The following SMAP1 variants were observed in gnomAD, a reference collection of about 807,000 sequenced individuals.
SMAP1 encodes the protein stromal membrane-associated protein 1.
SMAP1 carries 24 observed loss-of-function variants against 58.5 expected under a neutral mutation model. That is an observed-to-expected ratio of 0.41 (90% CI 0.30 to 0.58). The LOEUF is 0.58. SMAP1 is among the 20% of genes least tolerant of loss of function. SMAP1 has a pLI of 0.29. For synonymous variants in SMAP1, 216 were observed against 196.6 expected, an observed-to-expected ratio of 1.10 and a Z score of -0.82; for missense variants, 563 against 566.3, an observed-to-expected ratio of 0.99 and a Z score of 0.06.
intron 8 of SMAP1, among the ~76,000 whole-genome samples, chr6:70,855,175 C>G (rs1009839717): frequency 4.6e-5 from 7 of 151,922 alleles, no homozygotes; most frequent in African/African-American, 1.7e-4. Flanking sequence ...CCTTGGGTCC[C>G]AGAAGGCCAG....
chr6:70,860,295 C>A lies in SMAP1; in HGVS notation c.1365C>A (p.Ser455Arg). Residue 455 changes from serine (S) to arginine (R), a missense_variant, in exon 11 of 11, where the codon AGC (serine) becomes AGA (arginine). Physicochemically the swap from Ser to Arg is moderately radical, Grantham distance 110. Transcript: ENST00000370455. ...GCACAACAGCAGGATGGTCTGGAAG[C>A]TCATCAGGTCAGACTCTCAGCACAC... ...PSSTTAGWSG[S>R]SSGQTLSTQL... 6.2e-7 allele frequency: 1 copy of A among 1,613,570 alleles called. No individual in the cohort carries two copies. The highest frequency in any genetic ancestry group is 8.5e-7 in the Non-Finnish European group (1 of 1,179,772).
chr6:70,708,138 C>T (rs973589337), intron 1 of SMAP1, among the ~76,000 whole-genome samples: 12 of 152,086 alleles, frequency 7.9e-5, no homozygotes, highest in African/African-American at 9.7e-5. Context: ...TCCTTTCCTG[C>T]GCCTGGTAAC....
chr6:70,733,477 C>T (rs1473975669), intron 2 of SMAP1, among the ~76,000 whole-genome samples: 2 of 152,202 alleles, frequency 1.3e-5, no homozygotes, highest in Non-Finnish European at 2.9e-5. Flanking sequence ...TTTTTAAACA[C>T]TTCCTGTAAG....
intron 7 of SMAP1, among the ~76,000 whole-genome samples, chr6:70,841,966 T>C (rs1770823259): frequency 6.6e-6 from 1 of 152,192 alleles, no homozygotes. Flanking sequence ...TAAAGCAAAT[T>C]TGGGAATGAG....
chr6:70,733,577 T>C (rs1324930103), intron 2 of SMAP1, among the ~76,000 whole-genome samples: 4 of 152,208 alleles, frequency 2.6e-5, no homozygotes, highest in Non-Finnish European at 5.9e-5. Flanking sequence ...GGTCTTGCTA[T>C]GTTGCCCAGG....
chr6:70,778,353 T>C (rs984653687), intron 4 of SMAP1, among the ~76,000 whole-genome samples: 1 of 152,218 alleles, frequency 6.6e-6, no homozygotes, highest in Non-Finnish European at 1.5e-5. Flanking sequence ...GTTTGTCATA[T>C]ATGACCTTTA....
At chr6:70,753,320 G>C (rs1367734471) in intron 2 of SMAP1, among the ~76,000 whole-genome samples, 2 of 151,986 alleles carry the variant, frequency 1.3e-5, no homozygotes, top group Non-Finnish European at 2.9e-5. Flanking sequence ...ATATATTCTT[G>C]CTTGATAGAA....
At chr6:70,785,393 C>T (rs566032751) in intron 4 of SMAP1, among the ~76,000 whole-genome samples, 22 of 152,078 alleles carry the variant, frequency 1.4e-4, no homozygotes, top group Admixed American at 9.2e-4. Flanking sequence ...ATTAAAAGAA[C>T]TAGAAAAGCA....
intron 1 of SMAP1, among the ~76,000 whole-genome samples, chr6:70,680,858 A>G (rs1463732227): frequency 6.6e-6 from 1 of 151,046 alleles, no homozygotes; most frequent in Non-Finnish European, 1.5e-5. Context: ...AGCTGGGATT[A>G]CAGGCACGTG....
chr6:70,724,463 T>TG (rs1027284093), intron 1 of SMAP1, among the ~76,000 whole-genome samples: 27 of 152,244 alleles, frequency 1.8e-4, no homozygotes, highest in African/African-American at 6.5e-4. Flanking sequence ...CCCAGAGTGC[T>TG]GGGATTACAG....
chr6:70,829,935 G>T (rs1171430873), intron 6 of SMAP1, among the ~76,000 whole-genome samples: 1 of 152,136 alleles, frequency 6.6e-6, no homozygotes. Context: ...TAGGAGTTGG[G>T]ACCTAAATAG....
At chr6:70,772,515 A>G (rs1001759406) in intron 3 of SMAP1, among the ~76,000 whole-genome samples, 28 of 152,174 alleles carry the variant, frequency 1.8e-4, no homozygotes, top group Non-Finnish European at 1.0e-4. Context: ...CCTGAGTACC[A>G]GAGGAGCTCA....
chr6:70,749,457 T>G (rs1766184570), intron 2 of SMAP1, among the ~76,000 whole-genome samples: 1 of 152,258 alleles, frequency 6.6e-6, no homozygotes, highest in African/African-American at 2.4e-5. Context: ...CATCCTTCTG[T>G]TAAACATTGA....
At chr6:70,800,795 C>G (rs1768811704) in intron 6 of SMAP1, among the ~76,000 whole-genome samples, 1 of 151,736 alleles carries the variant, frequency 6.6e-6, no homozygotes, top group Non-Finnish European at 1.5e-5. Context: ...TGATAGTTTG[C>G]TGAGAATGAT....
In SMAP1 at chr6:70,718,463, T is replaced by C. The variant is rs569083690; in HGVS notation, c.119-13915T>C. On this transcript the variant is annotated intron_variant, in intron 1 of 10. Transcript: ENST00000370455. ...GAGGGAGGAAGAGAGAGGGAAGGGC[T>C]GAAAGGAAAAATGAATTCCATCTTG... Among the ~76,000 whole-genome samples the C allele has an allele frequency of 3.3e-5, 5 of 152,170 alleles. No homozygotes were observed. In the East Asian group the frequency reaches 5.8e-4, roughly 18 times the overall value.
At chr6:70,797,499 T>A (rs1768653008) in intron 5 of SMAP1, among the ~76,000 whole-genome samples, 1 of 152,122 alleles carries the variant, frequency 6.6e-6, no homozygotes, top group Non-Finnish European at 1.5e-5. Flanking sequence ...TCGTCTTTAC[T>A]TTTTTGCTTT....
chr6:70,789,465 G>A (rs867063330), intron 4 of SMAP1, among the ~76,000 whole-genome samples: 38 of 151,458 alleles, frequency 2.5e-4, no homozygotes, highest in Middle Eastern at 3.4e-3. Context: ...TCTTTCTTCC[G>A]TTATGTTTCT....
At chr6:70,716,875 C>G (rs1188978875) in intron 1 of SMAP1, among the ~76,000 whole-genome samples, 1 of 151,956 alleles carries the variant, frequency 6.6e-6, no homozygotes, top group Non-Finnish European at 1.5e-5. Context: ...GAAAATTTAC[C>G]TGGTTCTTTT....
chr6:70,709,547 C>G (rs999866777), intron 1 of SMAP1, among the ~76,000 whole-genome samples: 3 of 151,990 alleles, frequency 2.0e-5, no homozygotes, highest in Non-Finnish European at 4.4e-5. Flanking sequence ...GTTTCAAGCT[C>G]CTGGGCACAA....
Sources: allele counts gnomAD v4.1 joint callset (sites outside exome capture counted in the v4.1 genomes callset), GRCh38; gene constraint gnomAD v4.1.1; transcripts MANE v1.5; gene names NCBI Gene and HGNC (gene_info 2026-07-23, HGNC 2026-07-21).